Variants in PCDHGA4 observed in about 807,000 individuals in gnomAD.
PCDHGA4 encodes protocadherin gamma subfamily A, 4.
PCDHGA4 carries 38 observed loss-of-function variants against 54.6 expected under a neutral mutation model. The observed-to-expected ratio is 0.70, with a 90% confidence interval of 0.54 to 0.91. The LOEUF is 0.91. PCDHGA4 is among the 40% of genes least tolerant of loss of function. The pLI is 0.00. For synonymous variants in PCDHGA4, 511 were observed against 512.9 expected (o/e 1.00, Z 0.05); for missense variants, 1,298 against 1,220.9 (o/e 1.06, Z -0.94).
At chr5:141,466,983 C>A (rs2099133398) in intron 1 of PCDHGA4, among the ~76,000 whole-genome samples, 1 of 151,884 alleles carries the variant, frequency 6.6e-6, no homozygotes, top group African/African-American at 2.4e-5. Context: ...TCATCATTTA[C>A]CTTTTGGCAT....
Position 141,485,486 on chromosome 5 carries a change from C to A in PCDHGA4, c.2515-9321C>A. On this transcript the variant is annotated intron_variant, in intron 1 of 3. Transcript: ENST00000571252. This position sits in a 1 kb window ranked among gnomAD's most constrained non-coding sequence, Gnocchi z 5.7. Reference sequence around the variant, plus strand: ...TGGGCTCAGTGCCAGCTGCATCGTGCCCCTGGAGTTTGTCACCGAAGGTCC... The same window carrying A: ...TGGGCTCAGTGCCAGCTGCATCGTGACCCTGGAGTTTGTCACCGAAGGTCC... 6.2e-7 allele frequency: 1 copy of A among 1,614,104 alleles called. No individual in the cohort carries two copies.
chr5:141,479,616 C>A (rs1371541860), intron 1 of PCDHGA4: 2 of 152,232 alleles, frequency 1.3e-5, no homozygotes, highest in African/African-American at 4.8e-5. Flanking sequence ...TATAGGGAAA[C>A]CATGTCTCTT....
Position 141,432,949 on chromosome 5 carries a change from C to T in PCDHGA4, c.2515-61858C>T. 1.2e-6 allele frequency: 2 copies of T among 1,614,184 alleles called. No homozygotes were observed. Among genetic ancestry groups the T allele is most frequent in the Non-Finnish European group, 1.7e-6 (2 of 1,180,040 alleles). On this transcript the variant is annotated intron_variant, in intron 1 of 3. Coordinates refer to ENST00000571252, the MANE Select transcript of PCDHGA4 (RefSeq NM_018917.4). This position sits in a 1 kb window ranked among gnomAD's most constrained non-coding sequence, Gnocchi z 6.0. Reference sequence around the variant, plus strand: ...CACGCCTGCTGCAGGCTTCAGGAGGCGGCTTGACAGGAGCGCCGGCGTCGC... The same window carrying T: ...CACGCCTGCTGCAGGCTTCAGGAGGTGGCTTGACAGGAGCGCCGGCGTCGC...
chr5:141,394,508 C>A (rs776107587), intron 1 of PCDHGA4: 3 of 1,614,104 alleles, frequency 1.9e-6, no homozygotes, highest in Non-Finnish European at 2.5e-6. Context: ...TCCTGTACCC[C>A]GCCCTCCCCA....
chr5:141,419,423 C>A, intron 1 of PCDHGA4: 1 of 1,613,368 alleles, frequency 6.2e-7, no homozygotes, highest in Non-Finnish European at 8.5e-7. Context: ...CGCCTTCGAC[C>A]ACGAGCAGCT....
chr5:141,405,394 C>T, intron 1 of PCDHGA4: 4 of 1,593,132 alleles, frequency 2.5e-6, no homozygotes, highest in Non-Finnish European at 3.4e-6. Context: ...CATTTTTTTT[C>T]TTTCTTTCTT....
chr5:141,476,770 C>T lies in PCDHGA4; in HGVS notation c.2515-18037C>T, dbSNP rs1452363016. 6.2e-7 allele frequency: 1 copy of T among 1,613,568 alleles called. No homozygotes were observed. The highest frequency in any genetic ancestry group is 8.5e-7 in the Non-Finnish European group (1 of 1,180,020). ...TCCAGTTAGTGCTGACGGCGTTGGA[C>T]GGAGGGACCCCAGCTCTCTCCGCCA... On this transcript the variant is annotated intron_variant, in intron 1 of 3. Coordinates refer to ENST00000571252, the MANE Select transcript of PCDHGA4 (RefSeq NM_018917.4). This position sits in a 1 kb window ranked among gnomAD's most constrained non-coding sequence, Gnocchi z 7.6.
chr5:141,405,856 C>T (rs1340012897), intron 1 of PCDHGA4, among the ~76,000 whole-genome samples: 1 of 152,096 alleles, frequency 6.6e-6, no homozygotes, highest in Non-Finnish European at 1.5e-5. Flanking sequence ...GTGTGTTTCT[C>T]ATCACTTTTC....
intron 1 of PCDHGA4, chr5:141,377,208 T>A (rs1773778688): frequency 6.6e-6 from 1 of 152,244 alleles, no homozygotes; most frequent in Non-Finnish European, 1.5e-5. Context: ...ATTGAGTACA[T>A]CTCGTTTCTT....
intron 1 of PCDHGA4, chr5:141,371,346 G>A: frequency 6.2e-7 from 1 of 1,613,880 alleles, no homozygotes; most frequent in Non-Finnish European, 8.5e-7. Flanking sequence ...CTACACAATT[G>A]GGGTGGAAGC....
chr5:141,396,611 C>T (rs1310113508), intron 1 of PCDHGA4: 1 of 150,986 alleles, frequency 6.6e-6, no homozygotes, highest in Non-Finnish European at 1.5e-5. Flanking sequence ...CAGGGTGAGA[C>T]TCCGTCTCAA....
chr5:141,374,581 C>G, intron 1 of PCDHGA4: 14 of 1,613,660 alleles, frequency 8.7e-6, no homozygotes, highest in Non-Finnish European at 1.0e-5. Flanking sequence ...GAATGAACTC[C>G]CTTCAGGGAT....
chr5:141,395,448 T>C, intron 1 of PCDHGA4: 1 of 647,116 alleles, frequency 1.5e-6, no homozygotes, highest in Non-Finnish European at 2.5e-6. Flanking sequence ...GAAAAGATTG[T>C]TCAACCATTT....
intron 1 of PCDHGA4, chr5:141,417,757 G>A: frequency 7.0e-7 from 1 of 1,435,144 alleles, no homozygotes; most frequent in Non-Finnish European, 9.2e-7. Flanking sequence ...CCAGCTCCGA[G>A]ACCCGGGACT....
chr5:141,459,756 G>A (rs1455980132), intron 1 of PCDHGA4, among the ~76,000 whole-genome samples: 1 of 152,118 alleles, frequency 6.6e-6, no homozygotes, highest in Non-Finnish European at 1.5e-5. Flanking sequence ...AATTCTAGTG[G>A]GTGTGTGATA....
At position 141,485,831 on chromosome 5, in the gene PCDHGA4, C is replaced by A; in HGVS notation, c.2515-8976C>A. The A allele has an allele frequency of 6.2e-7, 1 of 1,614,080 alleles. No individual in the cohort carries two copies. Among genetic ancestry groups the A allele is most frequent in the Non-Finnish European group, 8.5e-7 (1 of 1,180,026 alleles). ...GCTGACTGCTGTCGATGGAGGGAAC[C>A]CGCCGAGATCTGGCACCGCAGAGCT... On this transcript the variant is annotated intron_variant, in intron 1 of 3. Coordinates refer to ENST00000571252, the MANE Select transcript of PCDHGA4 (RefSeq NM_018917.4). The surrounding 1 kb of genome is among the most constrained non-coding windows in gnomAD (Gnocchi z 5.7).
chr5:141,362,584 T>A (rs781004756), intron 1 of PCDHGA4: 17 of 1,598,970 alleles, frequency 1.1e-5, no homozygotes, highest in Non-Finnish European at 1.4e-5. Context: ...TATTTTCACT[T>A]CTGGTTTTAT....
At chr5:141,509,327 G>A (rs2099876237) in intron 3 of PCDHGA4, among the ~76,000 whole-genome samples, 1 of 152,188 alleles carries the variant, frequency 6.6e-6, no homozygotes, top group African/African-American at 2.4e-5. Flanking sequence ...AAGCTCTACT[G>A]CCAGCTGGGC....
Position 141,477,395 on chromosome 5 carries a change from A to G in PCDHGA4, c.2515-17412A>G. The G allele has an allele frequency of 1.9e-6, 3 of 1,614,126 alleles. No individual in the cohort carries two copies. The highest frequency in any genetic ancestry group is 1.3e-5 in the African/African-American group (1 of 75,020). ...GACTGTGCCAGAATACAACCTCAGC[A>G]TCACCGCCCGAGACGCCGGAACCCC... On this transcript the variant is annotated intron_variant, in intron 1 of 3. Transcript: ENST00000571252. The surrounding 1 kb of genome is among the most constrained non-coding windows in gnomAD (Gnocchi z 4.9).
Sources: gnomAD v4.1 joint callset for allele counts (sites outside exome capture counted in the v4.1 genomes callset) on GRCh38, gnomAD v4.1.1 for gene constraint, Gnocchi (gnomAD v3.1) non-coding constraint, MANE v1.5 for transcripts, NCBI Gene and HGNC (gene_info 2026-07-23, HGNC 2026-07-21) for gene names.